The following SLCO4A1 variants were observed in gnomAD, a reference collection of about 807,000 sequenced individuals.
The protein encoded by SLCO4A1 is solute carrier organic anion transporter family member 4A1.
SLCO4A1 carries 51 observed loss-of-function variants against 64.6 expected under a neutral mutation model. That is an observed-to-expected ratio of 0.79 (90% CI 0.63 to 1.00). SLCO4A1 has a LOEUF of 1.00. Ranked by LOEUF, SLCO4A1 falls within the 50% of genes least tolerant of loss-of-function variation. SLCO4A1 has a pLI of 0.00. For missense variants in SLCO4A1, 919 were observed against 980.5 expected (o/e 0.94, Z 0.84); for synonymous variants, 471 against 444.9 (o/e 1.06, Z -0.74).
chr20:62,675,550 C>T (rs1219815946), downstream of SLCO4A1, among the ~76,000 whole-genome samples: 1 of 152,208 alleles, frequency 6.6e-6, no homozygotes, highest in Non-Finnish European at 1.5e-5. Flanking sequence ...AGTTGGGACA[C>T]AGGGGCAGAG....
chr20:62,646,267 T>TC lies in SLCO4A1; in HGVS notation c.-97+3718dup, dbSNP rs924391363. Among the ~76,000 whole-genome samples, 249 of 151,756 alleles carry TC rather than the reference T, an allele frequency of 1.6e-3. 1 individual carries two copies. Among genetic ancestry groups the TC allele is most frequent in the African/African-American group, 5.8e-3 (240 of 41,474 alleles). On this transcript the variant is annotated intron_variant, in intron 1 of 11. Coordinates refer to ENST00000217159, the MANE Select transcript of SLCO4A1 (RefSeq NM_016354.4). ...TCCTGGAGGAGGGAGGTCCTGGGCATCCCCTGCCTCCTCACCTTCACCCTC... is the reference window on the plus strand; with the variant it reads ...TCCTGGAGGAGGGAGGTCCTGGGCATCCCCCTGCCTCCTCACCTTCACCCTC...
intron 2 of SLCO4A1, among the ~76,000 whole-genome samples, chr20:62,658,036 A>G (rs1431989193): frequency 6.6e-6 from 1 of 151,960 alleles, no homozygotes; most frequent in East Asian, 1.9e-4. Context: ...GAGTTGACCC[A>G]GTGCACGGCC....
intron 1 of SLCO4A1, among the ~76,000 whole-genome samples, chr20:62,652,429 G>A (rs1163158551): frequency 6.6e-6 from 1 of 152,194 alleles, no homozygotes; most frequent in East Asian, 1.9e-4. Flanking sequence ...GGCGGCCGGT[G>A]GAGCCCTTGC....
Position 62,644,045 on chromosome 20 carries a change from G to A in SLCO4A1, c.-97+1492G>A, listed in dbSNP as rs562129975. On this transcript the variant is annotated intron_variant, in intron 1 of 11. Transcript: ENST00000217159. This position sits in a 1 kb window ranked among gnomAD's most constrained non-coding sequence, Gnocchi z 5.4. Reference sequence around the variant, plus strand: ...CGACTCTGTTCTTAAAGAGGCAAAAGGCGACTGCAGGGTCAGGCCGGAGAC... The same window carrying A: ...CGACTCTGTTCTTAAAGAGGCAAAAAGCGACTGCAGGGTCAGGCCGGAGAC... Among the ~76,000 whole-genome samples, 1 of 152,360 alleles carries A rather than the reference G, an allele frequency of 6.6e-6. No homozygotes were observed. Among genetic ancestry groups the A allele is most frequent in the South Asian group, 2.1e-4 (1 of 4,834 alleles).
chr20:62,677,986 G>T (rs1987670068), intron 2 of SLCO4A1, among the ~76,000 whole-genome samples: 1 of 152,246 alleles, frequency 6.6e-6, no homozygotes, highest in Admixed American at 6.5e-5. Flanking sequence ...GGGAAGGAAA[G>T]AAGTAAGGAT....
chr20:62,685,373 C>G lies in SLCO4A1; in HGVS notation n.212-68C>G. The G allele has an allele frequency of 1.1e-6, 1 of 873,994 alleles. No individual in the cohort carries two copies. The highest frequency in any genetic ancestry group is 1.4e-6 in the Non-Finnish European group (1 of 728,198). 54.1% of individuals were successfully genotyped at this position (873,994 alleles called of 1,614,324 possible). ...GTTCGTGGGGCAACTGCACCCGCTC[C>G]CTTCCACTCTGCTGTGGCCTGACCA... is the stretch of plus-strand genomic sequence containing the variant. On this transcript the variant is annotated intron_variant and non_coding_transcript_variant, in intron 2 of 2. Transcript: ENST00000466818. This position sits in a 1 kb window ranked among gnomAD's most constrained non-coding sequence, Gnocchi z 4.6.
In SLCO4A1 at chr20:62,665,141, CAG is replaced by C. The variant is rs1048563334; in HGVS notation, c.1276+56_1276+57del. 61 of 1,559,226 alleles carry C rather than the reference CAG, an allele frequency of 3.9e-5. No individual in the cohort carries two copies. The African/African-American group carries it at 6.1e-4, about 16-fold the overall frequency. On this transcript the variant is annotated intron_variant, in intron 6 of 11. Transcript: ENST00000217159. ...CTGCTTTTATGTCAGTTCTCAGAAA[CAG>C]AGTCTTCAAGGGCATCTTCTAGAAA...
At chr20:62,653,699 C>T (rs896355992) in intron 1 of SLCO4A1, among the ~76,000 whole-genome samples, 1 of 152,232 alleles carries the variant, frequency 6.6e-6, no homozygotes, top group African/African-American at 2.4e-5. Flanking sequence ...TCTGTCATCT[C>T]CCAAATTCGG....
Position 62,672,114 on chromosome 20 carries a change from T to A in SLCO4A1, c.*221T>A. 7.0e-7 allele frequency: 1 copy of A among 1,432,100 alleles called. No individual in the cohort carries two copies. The highest frequency in any genetic ancestry group is 9.2e-7 in the Non-Finnish European group (1 of 1,091,762). 88.7% of individuals were successfully genotyped at this position (1,432,100 alleles called of 1,614,324 possible). A position where few individuals can be genotyped will look rare whatever the true frequency, so the allele number is the denominator to read the frequency against. ...AATATATATTTATGGACACACAGTT[T>A]GCATCAGAACGTGTTTATAGAATGT... On this transcript the variant is annotated 3_prime_UTR_variant, in exon 12 of 12. Transcript: ENST00000217159.
downstream of SLCO4A1, among the ~76,000 whole-genome samples, chr20:62,686,240 G>T (rs1227039775): frequency 6.6e-6 from 1 of 152,206 alleles, no homozygotes; most frequent in African/African-American, 2.4e-5. Context: ...TGTCTAAATA[G>T]CTATTCATAA....
intron 11 of SLCO4A1, among the ~76,000 whole-genome samples, chr20:62,670,830 C>G (rs73918611): frequency 0.013 from 1,970 of 152,342 alleles, 43 homozygotes; most frequent in African/African-American, 0.044. Flanking sequence ...TAAACACCCT[C>G]GCATTCCACT....
chr20:62,658,527 A>T (rs879448322), intron 2 of SLCO4A1, 150 bp from the exon 3 acceptor site: 1 of 627,424 alleles, frequency 1.6e-6, no homozygotes, highest in Non-Finnish European at 2.8e-6. Flanking sequence ...AACTGCACAG[A>T]CTCATCTAAC....
chr20:62,680,683 G>A (rs1042847155), intron 2 of SLCO4A1, among the ~76,000 whole-genome samples: 19 of 151,926 alleles, frequency 1.3e-4, no homozygotes, highest in East Asian at 7.7e-4. Context: ...TGCGCTGGTC[G>A]CTTTCAGAAT....
downstream of SLCO4A1, among the ~76,000 whole-genome samples, chr20:62,689,196 C>A (rs1420275506): frequency 1.3e-5 from 2 of 152,172 alleles, no homozygotes; most frequent in East Asian, 3.9e-4. Flanking sequence ...TGCCCCGCGC[C>A]TCATAGGCTT....
At chr20:62,675,646 G>A (rs1987555257), downstream of SLCO4A1, among the ~76,000 whole-genome samples, 1 of 152,210 alleles carries the variant, frequency 6.6e-6, no homozygotes, top group African/African-American at 2.4e-5. Flanking sequence ...TGCAGGGAGC[G>A]TGTGGCTCCT....
rs142816337 is a variant in SLCO4A1 at position 62,656,910 on chromosome 20, C to T, written c.456C>T (p.Ala152=). The change falls in exon 2 of 12, where the codon GCC becomes GCT. Residue 152 remains alanine, a synonymous_variant. Coordinates refer to ENST00000217159, the MANE Select transcript of SLCO4A1 (RefSeq NM_016354.4). The stretch of plus-strand genomic sequence containing the variant: ...TCATCGCCAGCTCCTACGACATTGC[C>T]GCCTGCCTCTGCCTCACCTTCGTCA... ...SGLIASSYDI[A]ACLCLTFVSY... The T allele has an allele frequency of 3.2e-4, 507 of 1,569,096 alleles. No individual in the cohort carries two copies. The highest frequency in any genetic ancestry group is 1.4e-3 in the Middle Eastern group (8 of 5,874).
intron 5 of SLCO4A1, among the ~76,000 whole-genome samples, 193 bp from the exon 6 acceptor site, chr20:62,664,741 C>T (rs1483443897): frequency 6.6e-6 from 1 of 152,196 alleles, no homozygotes; most frequent in Non-Finnish European, 1.5e-5. Context: ...CCTTTGTAAT[C>T]AGACCGGGGA....
Position 62,645,171 on chromosome 20 carries a change from T to C in SLCO4A1, c.-97+2618T>C, listed in dbSNP as rs1349372618. 6.6e-6 allele frequency among the ~76,000 whole-genome samples: 1 copy of C among 152,104 alleles called. No individual in the cohort carries two copies. Among genetic ancestry groups the C allele is most frequent in the Non-Finnish European group, 1.5e-5 (1 of 68,018 alleles). On this transcript the variant is annotated intron_variant, in intron 1 of 11. Coordinates refer to ENST00000217159, the MANE Select transcript of SLCO4A1 (RefSeq NM_016354.4). This position sits in a 1 kb window ranked among gnomAD's most constrained non-coding sequence, Gnocchi z 4.2. ...CAGGCAGGATCTGGGTCTTGCCCAC[T>C]TGTTGGAATGGGCACGTGGGGATTG...
intron 2 of SLCO4A1, among the ~76,000 whole-genome samples, chr20:62,679,226 T>G (rs928585566): frequency 1.3e-5 from 2 of 152,094 alleles, no homozygotes; most frequent in African/African-American, 4.8e-5. Context: ...AACAAAAAAG[T>G]AGCATGGCAG....
Sources: allele counts gnomAD v4.1 joint callset (sites outside exome capture counted in the v4.1 genomes callset), GRCh38; gene constraint gnomAD v4.1.1; non-coding constraint Gnocchi (gnomAD v3.1); transcripts MANE v1.5; gene names NCBI Gene and HGNC (gene_info 2026-07-23, HGNC 2026-07-21).